The following TATDN1 variants were observed in gnomAD, a reference collection of about 807,000 sequenced individuals.
TATDN1 encodes the protein TatD DNase domain containing 1, also known as deoxyribonuclease TATDN1.
TATDN1 carries 40 observed loss-of-function variants against 46.4 expected under a neutral mutation model. That is an observed-to-expected ratio of 0.86 (90% CI 0.67 to 1.12). The LOEUF is 1.12. TATDN1 is among the 50% of genes most tolerant of loss of function. The probability of loss-of-function intolerance (pLI) is 0.00; values close to 1 mark genes in which losing one functional copy is unlikely to be tolerated. For synonymous variants in TATDN1, 95 were observed against 105.6 expected (o/e 0.90, Z 0.62); for missense variants, 326 against 348.4 (o/e 0.94, Z 0.51).
At chr8:124,517,752 AT>A (rs1187644376) in intron 4 of TATDN1, among the ~76,000 whole-genome samples, 2 of 152,180 alleles carry the variant, frequency 1.3e-5, no homozygotes, top group Admixed American at 1.3e-4. Context: ...GATATGAGAG[AT>A]TATATAGTGT....
At chr8:124,528,780 T>C (rs1339551813) in intron 1 of TATDN1, among the ~76,000 whole-genome samples, 1 of 152,240 alleles carries the variant, frequency 6.6e-6, no homozygotes, top group Non-Finnish European at 1.5e-5. Context: ...TGGTATCTAA[T>C]GTGCTGTGGA....
At chr8:124,493,786 TG>T (rs764383557) in intron 11 of TATDN1, 46 bp downstream of exon 11, 2 of 1,551,038 alleles carry the variant, frequency 1.3e-6, no homozygotes, top group South Asian at 1.2e-5. Context: ...AAGTGGCATC[TG>T]GTGGTTAACT....
rs77027386 is a variant in TATDN1 at position 124,516,815 on chromosome 8, C to T, written c.203-785G>A. 7.4e-3 allele frequency among the ~76,000 whole-genome samples: 1,122 copies of T among 152,208 alleles called. 17 individuals are homozygous for T. Among genetic ancestry groups the T allele is most frequent in the African/African-American group, 0.026 (1,066 of 41,528 alleles). ...AGCAAGTAAATGAGGTTCACTTATT[C>T]GGAGGAGACTCTGACAGCTTGACTT... On this transcript the variant is annotated intron_variant, in intron 4 of 11. Coordinates refer to ENST00000276692, the MANE Select transcript of TATDN1 (RefSeq NM_032026.4).
intron 8 of TATDN1, among the ~76,000 whole-genome samples, chr8:124,507,565 T>C (rs763443353): frequency 8.6e-5 from 13 of 152,046 alleles, no homozygotes; most frequent in Middle Eastern, 3.2e-3. Context: ...GCAGATTGCT[T>C]GAGTTTAGGA....
At chr8:124,523,149 CTAGAAACATGGGA>C (rs1374803979) in intron 1 of TATDN1, 147 bp from the exon 2 acceptor site, 6 of 648,324 alleles carry the variant, frequency 9.3e-6, no homozygotes, top group Non-Finnish European at 1.6e-5. Context: ...AACTACTGTG[CTAGAAACATGGGA>C]TACAAAGATG....
intron 4 of TATDN1, among the ~76,000 whole-genome samples, chr8:124,517,676 T>C (rs1374661786): frequency 6.6e-6 from 1 of 152,220 alleles, no homozygotes; most frequent in Non-Finnish European, 1.5e-5. Context: ...CTAGGATTCC[T>C]TTAATAATCA....
intron 6 of TATDN1, among the ~76,000 whole-genome samples, chr8:124,513,237 G>A (rs191459467): frequency 6.6e-6 from 1 of 152,066 alleles, no homozygotes; most frequent in East Asian, 1.9e-4. Flanking sequence ...GTCATTTGAT[G>A]TTTTATTATT....
At chr8:124,489,051 C>T (rs537396117) in intron 11 of TATDN1, 1 of 261,656 alleles carries the variant, frequency 3.8e-6, no homozygotes, top group Non-Finnish European at 7.3e-6. Flanking sequence ...GCATTTTAAA[C>T]ATTGACAAGT....
chr8:124,493,577 AGGC>A (rs1817206167), intron 11 of TATDN1, among the ~76,000 whole-genome samples: 1 of 152,196 alleles, frequency 6.6e-6, no homozygotes, highest in Non-Finnish European at 1.5e-5. Flanking sequence ...AGATTTATAG[AGGC>A]TGTCAAATCA....
intron 1 of TATDN1, chr8:124,538,806 G>T (rs956384873): frequency 1.6e-6 from 1 of 608,966 alleles, no homozygotes. Context: ...TGTACGGCTT[G>T]TTAATTTTTA....
At chr8:124,506,191 C>G (rs1326577009) in intron 8 of TATDN1, among the ~76,000 whole-genome samples, 1 of 151,562 alleles carries the variant, frequency 6.6e-6, no homozygotes, top group Non-Finnish European at 1.5e-5. Context: ...AAAAATTAGC[C>G]AGGCGTGGTG....
intron 6 of TATDN1, among the ~76,000 whole-genome samples, chr8:124,515,059 C>T (rs930314397): frequency 1.3e-5 from 2 of 152,112 alleles, no homozygotes; most frequent in African/African-American, 4.8e-5. Context: ...CAAACAGCTG[C>T]GACTACAGAC....
At chr8:124,488,941 C>T (rs1816662531) in intron 11 of TATDN1, 1 of 433,324 alleles carries the variant, frequency 2.3e-6, no homozygotes, top group African/African-American at 2.1e-5. Context: ...ATTAAAGCAG[C>T]CATCTGTATT....
chr8:124,519,098 T>G (rs1034765863), intron 3 of TATDN1, among the ~76,000 whole-genome samples: 2 of 152,132 alleles, frequency 1.3e-5, no homozygotes, highest in Non-Finnish European at 2.9e-5. Context: ...CATGTAGAGG[T>G]GCAGAATTCA....
intron 9 of TATDN1, among the ~76,000 whole-genome samples, chr8:124,502,322 CTGAG>C (rs1358232450): frequency 2.8e-5 from 4 of 145,228 alleles, no homozygotes; most frequent in East Asian, 2.0e-4. Context: ...GCCTGGGCGA[CTGAG>C]TGAGAGTCCC....
At chr8:124,524,704 G>A (rs1194049069) in intron 1 of TATDN1, among the ~76,000 whole-genome samples, 1 of 152,202 alleles carries the variant, frequency 6.6e-6, no homozygotes, top group African/African-American at 2.4e-5. Context: ...AGGTTTTGCA[G>A]AAGGGGGAGG....
intron 9 of TATDN1, chr8:124,504,023 G>T: frequency 1.9e-6 from 2 of 1,055,482 alleles, no homozygotes; most frequent in Non-Finnish European, 2.6e-6. Flanking sequence ...GCCAGCTGCA[G>T]ATCTCAACAC....
intron 4 of TATDN1, among the ~76,000 whole-genome samples, chr8:124,518,467 T>A (rs1819719161): frequency 6.8e-6 from 1 of 147,304 alleles, no homozygotes; most frequent in Non-Finnish European, 1.5e-5. Context: ...GAGTTTGCAG[T>A]GAGCCGAGAT....
intron 9 of TATDN1, among the ~76,000 whole-genome samples, chr8:124,500,144 T>C (rs1817833387): frequency 6.6e-6 from 1 of 152,138 alleles, no homozygotes; most frequent in East Asian, 1.9e-4. Context: ...TGCCTGGCCA[T>C]CTTCCCATTT....
Sources: gnomAD v4.1 joint callset for allele counts (sites outside exome capture counted in the v4.1 genomes callset) on GRCh38, gnomAD v4.1.1 for gene constraint, MANE v1.5 for transcripts, NCBI Gene and HGNC (gene_info 2026-07-23, HGNC 2026-07-21) for gene names.